RNF11: variants seen among roughly 807,000 people sequenced by gnomAD.
RNF11 encodes ring finger protein 11.
In RNF11, 4 loss-of-function variants were observed where a neutral mutation model predicts 15.8. The observed-to-expected ratio is 0.25, with a 90% CI of 0.12 to 0.58. RNF11 has a LOEUF of 0.58. Ranked by LOEUF, RNF11 falls within the 20% of genes least tolerant of loss-of-function variation. The pLI is 0.91. For missense variants in RNF11, 139 were observed against 194.4 expected, an observed-to-expected ratio of 0.71 and a Z score of 1.70; for synonymous variants, 68 against 72.3, an observed-to-expected ratio of 0.94 and a Z score of 0.30.
chr1:51,237,290 A>G lies in RNF11; in HGVS notation c.123+411A>G, dbSNP rs76501902. ...ACCCCCCCGCCCCATTTATGTTTTC[A>G]TGTGTGGTCGTCCTCTTACCCACCT... On this transcript the variant is annotated intron_variant, in intron 1 of 2. Transcript: ENST00000242719. Among the ~76,000 whole-genome samples, 50 of 151,290 alleles carry G rather than the reference A, an allele frequency of 3.3e-4. No individual in the cohort carries two copies. In the East Asian group the frequency reaches 7.6e-3, roughly 23 times the overall value.
At chr1:51,244,638 T>C (rs1028736622) in intron 1 of RNF11, among the ~76,000 whole-genome samples, 1 of 152,164 alleles carries the variant, frequency 6.6e-6, no homozygotes, top group African/African-American at 2.4e-5. Flanking sequence ...CCTCCCAAAG[T>C]GCTGGGATTA....
intron 1 of RNF11, among the ~76,000 whole-genome samples, chr1:51,264,284 AAAAATATATATATATATATAT>A (rs1353301111): frequency 3.6e-5 from 3 of 83,812 alleles, no homozygotes; most frequent in African/African-American, 1.7e-4. Context: ...AAAAAAAAAA[AAAAATATATATATATATATAT>A]ATATATATAT....
chr1:51,251,449 C>A (rs537297600), intron 1 of RNF11: 2 of 749,656 alleles, frequency 2.7e-6, no homozygotes, highest in Non-Finnish European at 4.4e-6. Flanking sequence ...GGCCCCCCCC[C>A]GCTGCACTGG....
chr1:51,267,100 A>G (rs1646958383), intron 1 of RNF11, among the ~76,000 whole-genome samples: 1 of 152,112 alleles, frequency 6.6e-6, no homozygotes, highest in African/African-American at 2.4e-5. Flanking sequence ...ATTGCTGGGC[A>G]TGGTGTTGTG....
At chr1:51,237,550 T>C (rs538330974) in intron 1 of RNF11, among the ~76,000 whole-genome samples, 125 of 151,860 alleles carry the variant, frequency 8.2e-4, no homozygotes, top group Non-Finnish European at 1.4e-3. Context: ...TTGATTAGCT[T>C]GAACTTTGGA....
chr1:51,242,261 A>T (rs1646832465), intron 1 of RNF11, among the ~76,000 whole-genome samples: 1 of 152,096 alleles, frequency 6.6e-6, no homozygotes. Flanking sequence ...TTTTTTGACA[A>T]ATAAGAAAAT....
chr1:51,252,341 G>A (rs1383748864), intron 1 of RNF11, among the ~76,000 whole-genome samples: 5 of 152,072 alleles, frequency 3.3e-5, no homozygotes, highest in Non-Finnish European at 5.9e-5. Flanking sequence ...GCATATACCC[G>A]TAATCCTAGG....
chr1:51,267,823 C>T (rs1255890063), intron 1 of RNF11, among the ~76,000 whole-genome samples: 2 of 152,188 alleles, frequency 1.3e-5, no homozygotes, highest in Admixed American at 6.5e-5. Flanking sequence ...CTCTGCCTCC[C>T]GGGTTAAAGC....
intron 1 of RNF11, chr1:51,251,436 C>G: frequency 2.2e-6 from 2 of 901,406 alleles, no homozygotes; most frequent in Non-Finnish European, 3.4e-6. Flanking sequence ...CCCAGGGCCT[C>G]CGGGCCCCCC....
chr1:51,266,815 A>G (rs1051390058), intron 1 of RNF11, among the ~76,000 whole-genome samples: 20 of 152,234 alleles, frequency 1.3e-4, no homozygotes, highest in Non-Finnish European at 2.5e-4. Flanking sequence ...TATATAATGT[A>G]TATTACAAGA....
At chr1:51,246,719 GAGAGTTA>G (rs1214340507) in intron 1 of RNF11, among the ~76,000 whole-genome samples, 2 of 152,204 alleles carry the variant, frequency 1.3e-5, no homozygotes, top group Non-Finnish European at 2.9e-5. Context: ...GCTGTAAGTG[GAGAGTTA>G]TTGTTTAGTG....
intron 1 of RNF11, among the ~76,000 whole-genome samples, chr1:51,246,475 C>T (rs1328352985): frequency 1.3e-5 from 2 of 152,094 alleles, no homozygotes; most frequent in South Asian, 2.1e-4. Context: ...TAGGCTGAGG[C>T]AGAAGGAATG....
At chr1:51,241,995 T>C (rs1244721294) in intron 1 of RNF11, among the ~76,000 whole-genome samples, 3 of 152,252 alleles carry the variant, frequency 2.0e-5, no homozygotes, top group Non-Finnish European at 4.4e-5. Context: ...AATCTGAATA[T>C]ATAAAAATAA....
intron 1 of RNF11, among the ~76,000 whole-genome samples, chr1:51,254,383 G>A (rs1481818967): frequency 6.6e-6 from 1 of 152,058 alleles, no homozygotes; most frequent in African/African-American, 2.4e-5. Flanking sequence ...TGCCTCCCAG[G>A]TTCAAGCAGT....
Position 51,272,827 on chromosome 1 carries a change from A to C in RNF11, c.*1505A>C, listed in dbSNP as rs1399416460. The C allele has an allele frequency of 6.6e-6, 1 of 152,178 alleles. No individual in the cohort carries two copies. The highest frequency in any genetic ancestry group is 1.5e-5 in the Non-Finnish European group (1 of 67,996). 9.4% of individuals were successfully genotyped at this position (152,178 alleles called of 1,614,324 possible). On this transcript the variant is annotated 3_prime_UTR_variant, in exon 3 of 3. Coordinates refer to ENST00000242719, the MANE Select transcript of RNF11 (RefSeq NM_014372.5). ...GAATATTGAACTCTAACAGTTTTCT[A>C]CATACAAAACACAGTGTCATGAAGG...
intron 1 of RNF11, among the ~76,000 whole-genome samples, chr1:51,251,816 C>T (rs1010388806): frequency 1.3e-5 from 2 of 151,978 alleles, no homozygotes; most frequent in African/African-American, 2.4e-5. Context: ...AGGTGGCTCA[C>T]GCCTGTAATC....
At chr1:51,262,919 AATCACAATGAGAT>A (rs1335704285) in intron 1 of RNF11, among the ~76,000 whole-genome samples, 2 of 152,076 alleles carry the variant, frequency 1.3e-5, no homozygotes, top group East Asian at 1.9e-4. Context: ...GGCAAATCAA[AATCACAATGAGAT>A]ATCACATCTT....
chr1:51,256,391 G>C (rs983548135), intron 1 of RNF11, among the ~76,000 whole-genome samples: 18 of 152,016 alleles, frequency 1.2e-4, no homozygotes, highest in Non-Finnish European at 2.6e-4. Context: ...TTCATGGCTT[G>C]ATAGCTCATT....
rs71063020 is a variant in RNF11 at position 51,248,205 on chromosome 1, C to CTTT, written c.123+11338_123+11340dup. ...CAGTGCTATACTGTATTTTCTTTTT[C>CTTT]TTTTTTTTTTTTTTGGCTTTGAGAT... On this transcript the variant is annotated intron_variant, in intron 1 of 2. Transcript: ENST00000242719. Among the ~76,000 whole-genome samples the CTTT allele has an allele frequency of 5.6e-3, 631 of 113,314 alleles. 2 individuals carry two copies. Among genetic ancestry groups the CTTT allele is most frequent in the African/African-American group, 8.9e-3 (273 of 30,650 alleles). 74.3% of individuals were successfully genotyped at this position (113,314 alleles called of 152,430 possible).
Sources: gnomAD v4.1 joint callset for allele counts (sites outside exome capture counted in the v4.1 genomes callset) on GRCh38, gnomAD v4.1.1 for gene constraint, MANE v1.5 for transcripts, NCBI Gene and HGNC (gene_info 2026-07-23, HGNC 2026-07-21) for gene names.